SLC36A1: variants seen among roughly 807,000 people sequenced by gnomAD.
SLC36A1 encodes solute carrier family 36 member 1, also known as proton-coupled amino acid transporter 1.
Under a neutral mutation model 47.5 loss-of-function variants are expected in SLC36A1, and 30 were observed. The observed-to-expected ratio is 0.63, with a 90% CI of 0.47 to 0.86. SLC36A1 has a LOEUF of 0.86. Among genes scored for constraint, SLC36A1 ranks in the 40% least tolerant of loss-of-function variants. SLC36A1 has a pLI of 0.00. For synonymous variants in SLC36A1, 255 were observed against 249.7 expected (o/e 1.02, Z -0.20); for missense variants, 517 against 606.0 (o/e 0.85, Z 1.54).
the SLC36A1 span, among the ~76,000 whole-genome samples, chr5:151,363,693 A>G: frequency 0.016 from 2,498 of 152,234 alleles, 222 homozygotes; most frequent in Admixed American, 0.15. Flanking sequence ...AAACAATTCA[A>G]CTTTTTCTTG....
the SLC36A1 span, among the ~76,000 whole-genome samples, chr5:151,407,326 T>A: frequency 6.6e-5 from 10 of 152,332 alleles, no homozygotes; most frequent in Admixed American, 2.6e-4. Flanking sequence ...TTTACAAACC[T>A]TTAGCTAAAC....
the SLC36A1 span, chr5:151,506,067 G>A: frequency 6.5e-7 from 1 of 1,542,754 alleles, no homozygotes; most frequent in Non-Finnish European, 8.7e-7. Flanking sequence ...GGAGTAAGTA[G>A]GGGGCCAGAC....
chr5:151,344,698 TCTG>T, the SLC36A1 span, among the ~76,000 whole-genome samples: 1 of 152,140 alleles, frequency 6.6e-6, no homozygotes, highest in Non-Finnish European at 1.5e-5. Context: ...CACCCCTACT[TCTG>T]CTGAGCTGCC....
the SLC36A1 span, chr5:151,550,944 C>T: frequency 7.1e-7 from 1 of 1,399,190 alleles, no homozygotes; most frequent in Non-Finnish European, 9.9e-7. Flanking sequence ...TCTGGACCTC[C>T]CTGTATCACC....
chr5:151,498,125 A>G, the SLC36A1 span, among the ~76,000 whole-genome samples: 1 of 151,920 alleles, frequency 6.6e-6, no homozygotes, highest in African/African-American at 2.4e-5. Flanking sequence ...TTGTATTTTT[A>G]GTAGAGACGG....
chr5:151,351,235 A>C, the SLC36A1 span, among the ~76,000 whole-genome samples: 1 of 152,140 alleles, frequency 6.6e-6, no homozygotes, highest in East Asian at 1.9e-4. Flanking sequence ...CCCAGATAGG[A>C]GAAGGAACAC....
chr5:151,434,246 C>G (rs77184259), upstream of SLC36A1, among the ~76,000 whole-genome samples: 939 of 152,160 alleles, frequency 6.2e-3, 13 homozygotes, highest in African/African-American at 0.022. Flanking sequence ...AAAAGTAGCT[C>G]TTTTTAACAT....
the SLC36A1 span, among the ~76,000 whole-genome samples, chr5:151,387,768 G>C: frequency 6.6e-6 from 1 of 152,166 alleles, no homozygotes; most frequent in East Asian, 1.9e-4. Context: ...TGCCCAGCTT[G>C]TCTGCCATTT....
At chr5:151,470,578 G>A (rs1757180346) in intron 7 of SLC36A1, among the ~76,000 whole-genome samples, 1 of 152,168 alleles carries the variant, frequency 6.6e-6, no homozygotes, top group African/African-American at 2.4e-5. Flanking sequence ...GAAGAGGTTT[G>A]GCTGTGTTTT....
the SLC36A1 span, chr5:151,537,907 C>A: frequency 6.2e-7 from 1 of 1,614,060 alleles, no homozygotes; most frequent in Non-Finnish European, 8.5e-7. Context: ...ATGAAGTGTC[C>A]TGGAAATACA....
At chr5:151,547,867 G>A in the SLC36A1 span, among the ~76,000 whole-genome samples, 1 of 152,124 alleles carries the variant, frequency 6.6e-6, no homozygotes, top group Admixed American at 6.5e-5. Context: ...TTCTTTTGGG[G>A]TGATGAAAAT....
the SLC36A1 span, chr5:151,545,605 T>G: frequency 4.3e-6 from 7 of 1,614,098 alleles, no homozygotes; most frequent in Non-Finnish European, 5.9e-6. Flanking sequence ...GTCATGGACA[T>G]AGACACAGAA....
chr5:151,520,592 G>A, the SLC36A1 span, among the ~76,000 whole-genome samples: 2 of 152,194 alleles, frequency 1.3e-5, no homozygotes, highest in African/African-American at 4.8e-5. Context: ...CCAGCCATGG[G>A]TTAAGTGCTT....
At chr5:151,512,438 C>T in the SLC36A1 span, 2 of 1,614,228 alleles carry the variant, frequency 1.2e-6, no homozygotes, top group Non-Finnish European at 1.7e-6. This position sits in a 1 kb window ranked among gnomAD's most constrained non-coding sequence, Gnocchi z 4.1. Flanking sequence ...TTCTCTGGGA[C>T]CACAAGGGAG....
chr5:151,371,256 T>C, the SLC36A1 span, among the ~76,000 whole-genome samples: 4 of 152,226 alleles, frequency 2.6e-5, no homozygotes, highest in African/African-American at 9.6e-5. Context: ...AATCATTTCT[T>C]GTATTTGTAT....
At chr5:151,540,587 TATC>T in the SLC36A1 span, 2 of 1,613,670 alleles carry the variant, frequency 1.2e-6, no homozygotes, top group African/African-American at 2.7e-5. Flanking sequence ...TGTGGGCTGT[TATC>T]ATTGACGTCC....
chr5:151,511,082 C>CGG, the SLC36A1 span: 1 of 152,502 alleles, frequency 6.6e-6, no homozygotes, highest in African/African-American at 2.4e-5. Flanking sequence ...GGTGGAAGGC[C>CGG]GGGATAGAAG....
the SLC36A1 span, among the ~76,000 whole-genome samples, chr5:151,526,875 G>A: frequency 6.6e-6 from 1 of 152,084 alleles, no homozygotes; most frequent in South Asian, 2.1e-4. Flanking sequence ...CCATTAGTAG[G>A]GAATAGCTTG....
the SLC36A1 span, among the ~76,000 whole-genome samples, chr5:151,411,389 C>G: frequency 6.9e-6 from 1 of 144,656 alleles, no homozygotes; most frequent in Non-Finnish European, 1.5e-5. Flanking sequence ...GGTGTTGCCC[C>G]CAACTATAGG....
Sources: allele counts gnomAD v4.1 joint callset (sites outside exome capture counted in the v4.1 genomes callset), GRCh38; gene constraint gnomAD v4.1.1; non-coding constraint Gnocchi (gnomAD v3.1); transcripts MANE v1.5; gene names NCBI Gene and HGNC (gene_info 2026-07-23, HGNC 2026-07-21).